The following SOX6 variants were observed in gnomAD, a reference collection of about 807,000 sequenced individuals.
SOX6 encodes the protein transcription factor SOX-6.
A neutral mutation model predicts 97.8 loss-of-function variants in SOX6; 11 were observed. The observed-to-expected ratio is 0.11, with a 90% CI of 0.07 to 0.19. The LOEUF (loss-of-function observed/expected upper bound fraction) is 0.19. Ranked by LOEUF, SOX6 falls within the 10% of genes least tolerant of loss-of-function variation. The pLI is 1.00. For missense variants in SOX6, 810 were observed against 1,039.5 expected, an observed-to-expected ratio of 0.78 and a Z score of 3.04; for synonymous variants, 360 against 371.4, an observed-to-expected ratio of 0.97 and a Z score of 0.35.
At chr11:16,303,953 G>C (rs2134278271) in intron 3 of SOX6, among the ~76,000 whole-genome samples, 1 of 152,202 alleles carries the variant, frequency 6.6e-6, no homozygotes, top group Non-Finnish European at 1.5e-5. Context: ...TTCTTGCTCT[G>C]TTACCCAGGT....
At chr11:16,017,625 A>T (rs1854928114) in intron 12 of SOX6, among the ~76,000 whole-genome samples, 1 of 152,122 alleles carries the variant, frequency 6.6e-6, no homozygotes, top group Admixed American at 6.6e-5. Context: ...TGAGCTAAGC[A>T]AAGATTTTAC....
chr11:16,308,104 G>T (rs1855492051), intron 3 of SOX6, among the ~76,000 whole-genome samples: 1 of 152,164 alleles, frequency 6.6e-6, no homozygotes, highest in Non-Finnish European at 1.5e-5. Flanking sequence ...TTGTCCGTAA[G>T]TGCTTCACTG....
At chr11:16,357,040 G>A (rs1482261883), upstream of SOX6, among the ~76,000 whole-genome samples, 1 of 152,010 alleles carries the variant, frequency 6.6e-6, no homozygotes, top group Non-Finnish European at 1.5e-5. Context: ...GAAAAGAGGA[G>A]GACACTGGAG....
chr11:16,324,999 G>A (rs1856037608), intron 2 of SOX6, among the ~76,000 whole-genome samples: 2 of 152,022 alleles, frequency 1.3e-5, no homozygotes. Flanking sequence ...CTGTTTGGTA[G>A]CACATTATAC....
chr11:16,292,810 A>G (rs1356310857), intron 3 of SOX6, among the ~76,000 whole-genome samples: 1 of 152,188 alleles, frequency 6.6e-6, no homozygotes, highest in Non-Finnish European at 1.5e-5. Context: ...GAACTTGGTA[A>G]CTGGTACAGA....
intron 3 of SOX6, among the ~76,000 whole-genome samples, chr11:16,632,654 A>AGCACTC (rs1447962549): frequency 2.0e-5 from 3 of 152,214 alleles, no homozygotes; most frequent in Non-Finnish European, 2.9e-5. Flanking sequence ...GGGAGAATCG[A>AGCACTC]ATAGGTGAGC....
chr11:16,110,492 A>C (rs1195444828), intron 7 of SOX6: 1 of 152,154 alleles, frequency 6.6e-6, no homozygotes, highest in South Asian at 2.1e-4. Context: ...TGTTCTAAAA[A>C]TCATGCTCTA....
intron 4 of SOX6, among the ~76,000 whole-genome samples, chr11:16,561,184 A>C (rs1054873614): frequency 6.6e-6 from 1 of 152,094 alleles, no homozygotes; most frequent in Non-Finnish European, 1.5e-5. Context: ...AGGGAATAAG[A>C]CAGGAAGGGA....
At chr11:16,173,507 GT>G (rs1304737885) in intron 6 of SOX6, among the ~76,000 whole-genome samples, 1 of 151,082 alleles carries the variant, frequency 6.6e-6, no homozygotes, top group African/African-American at 2.4e-5. Context: ...AGTATATGAT[GT>G]TTAGGGCAAA....
intron 9 of SOX6, among the ~76,000 whole-genome samples, chr11:16,061,760 C>G (rs567811626): frequency 1.3e-5 from 2 of 151,690 alleles, no homozygotes; most frequent in South Asian, 4.1e-4. Flanking sequence ...GCCAGCTGAT[C>G]TTTGACAAAA....
chr11:16,499,221 C>A (rs747995720), intron 4 of SOX6, among the ~76,000 whole-genome samples: 3 of 152,010 alleles, frequency 2.0e-5, no homozygotes, highest in Non-Finnish European at 4.4e-5. Context: ...GGGTACATAA[C>A]GAAACGAAGG....
intron 1 of SOX6, 34 bp from the exon 2 acceptor site, chr11:16,341,286 C>T (rs1192177631): frequency 3.7e-6 from 6 of 1,608,920 alleles, no homozygotes; most frequent in African/African-American, 1.3e-5. Flanking sequence ...TTAAAAATGG[C>T]TGTCAATAAC....
chr11:16,675,349 T>C (rs1375927784), intron 3 of SOX6, among the ~76,000 whole-genome samples: 4 of 152,148 alleles, frequency 2.6e-5, no homozygotes, highest in Non-Finnish European at 5.9e-5. Context: ...TGGGATCTCA[T>C]TATGTTGCCC....
chr11:16,016,201 G>T (rs1854877895), intron 12 of SOX6, among the ~76,000 whole-genome samples: 1 of 152,024 alleles, frequency 6.6e-6, no homozygotes, highest in Admixed American at 6.6e-5. Context: ...TGTACAGCCT[G>T]ACTACATTTG....
chr11:16,290,287 T>C (rs2134257260), intron 3 of SOX6, among the ~76,000 whole-genome samples: 1 of 152,196 alleles, frequency 6.6e-6, no homozygotes. Flanking sequence ...TCTTAGTTGG[T>C]GAATTATTTC....
At chr11:16,397,624 G>T (rs1858398092) in intron 1 of SOX6, 1 of 151,726 alleles carries the variant, frequency 6.6e-6, no homozygotes, top group Admixed American at 6.6e-5. Flanking sequence ...ACAGCAGTCT[G>T]CCCAACTCAT....
intron 1 of SOX6, among the ~76,000 whole-genome samples, chr11:16,438,092 A>G (rs1859421337): frequency 6.6e-6 from 1 of 152,132 alleles, no homozygotes; most frequent in Non-Finnish European, 1.5e-5. Context: ...CAAATCAAGT[A>G]TAGGCCTTTT....
intron 13 of SOX6, among the ~76,000 whole-genome samples, chr11:15,989,892 G>A (rs1208901733): frequency 6.6e-6 from 1 of 152,152 alleles, no homozygotes. Flanking sequence ...TGGGTGAGAG[G>A]TGCTACAATA....
At chr11:16,080,372 G>A (rs1382092517) in intron 9 of SOX6, among the ~76,000 whole-genome samples, 1 of 151,906 alleles carries the variant, frequency 6.6e-6, no homozygotes, top group Non-Finnish European at 1.5e-5. Flanking sequence ...GTGTGATCTT[G>A]GGCAGTTATT....
Sources: gnomAD v4.1 joint callset for allele counts (sites outside exome capture counted in the v4.1 genomes callset) on GRCh38, gnomAD v4.1.1 for gene constraint, MANE v1.5 for transcripts, NCBI Gene and HGNC (gene_info 2026-07-23, HGNC 2026-07-21) for gene names.